PCDH9: variants seen among roughly 807,000 people sequenced by gnomAD.
PCDH9 encodes the protein protocadherin-9.
A neutral mutation model predicts 70.6 loss-of-function variants in PCDH9; 24 were observed. The ratio of observed to expected loss-of-function variants is 0.34; its 90% CI spans 0.25 to 0.48. PCDH9 has a LOEUF of 0.48. PCDH9 is among the 20% of genes least tolerant of loss of function. The pLI, the probability that PCDH9 is intolerant of heterozygous loss-of-function variation, is 0.99. For synonymous variants in PCDH9, 562 were observed against 558.5 expected (o/e 1.01, Z -0.09); for missense variants, 1,281 against 1,503.6 (o/e 0.85, Z 2.45).
chr13:67,201,507 G>T (rs1055742088), intron 2 of PCDH9: 6 of 151,698 alleles, frequency 4.0e-5, no homozygotes, highest in Non-Finnish European at 7.4e-5. Flanking sequence ...TTTATCACAG[G>T]GAGGAAAGAA....
intron 3 of PCDH9, among the ~76,000 whole-genome samples, chr13:66,789,510 T>A (rs2139315456): frequency 1.3e-5 from 2 of 152,252 alleles, no homozygotes; most frequent in East Asian, 3.9e-4. Flanking sequence ...TTATTTTTTT[T>A]TATTTTTTTT....
chr13:66,709,592 AT>A (rs2078764722), intron 3 of PCDH9, among the ~76,000 whole-genome samples: 1 of 152,222 alleles, frequency 6.6e-6, no homozygotes, highest in Non-Finnish European at 1.5e-5. Context: ...TTCCCAACAA[AT>A]AAGCAAACAC....
chr13:66,764,875 G>GA (rs1245407143), intron 3 of PCDH9, among the ~76,000 whole-genome samples: 1 of 151,632 alleles, frequency 6.6e-6, no homozygotes, highest in South Asian at 2.1e-4. Context: ...TACAACAAAA[G>GA]AAAAAATACA....
intron 4 of PCDH9, among the ~76,000 whole-genome samples, chr13:66,488,591 A>G (rs1958984298): frequency 6.7e-6 from 1 of 150,200 alleles, no homozygotes; most frequent in Non-Finnish European, 1.5e-5. Flanking sequence ...ATAATAGAGT[A>G]AAAAAAAATC....
At chr13:67,184,586 C>T (rs561326194) in intron 2 of PCDH9, among the ~76,000 whole-genome samples, 1 of 152,140 alleles carries the variant, frequency 6.6e-6, no homozygotes, top group Admixed American at 6.5e-5. Flanking sequence ...CAAAAATTAG[C>T]GGAGCTTAGA....
intron 3 of PCDH9, among the ~76,000 whole-genome samples, chr13:66,638,512 C>T (rs1218421344): frequency 6.6e-6 from 1 of 152,134 alleles, no homozygotes; most frequent in Non-Finnish European, 1.5e-5. Context: ...TCAAAGACTG[C>T]TAGAGTAATT....
intron 3 of PCDH9, among the ~76,000 whole-genome samples, chr13:66,812,695 T>C (rs778187531): frequency 6.6e-6 from 1 of 152,178 alleles, no homozygotes; most frequent in Non-Finnish European, 1.5e-5. Flanking sequence ...AGCAGTAACA[T>C]ACATAACAAG....
At chr13:66,642,182 T>G (rs1343604222) in intron 3 of PCDH9, among the ~76,000 whole-genome samples, 1 of 152,114 alleles carries the variant, frequency 6.6e-6, no homozygotes, top group Non-Finnish European at 1.5e-5. Flanking sequence ...GGAATTTATA[T>G]TTTTAGACAG....
intron 2 of PCDH9, among the ~76,000 whole-genome samples, chr13:67,018,895 A>T (rs1029920788): frequency 2.0e-5 from 3 of 152,136 alleles, no homozygotes; most frequent in Non-Finnish European, 4.4e-5. Flanking sequence ...AGCTTAACTT[A>T]TTTGACAAAT....
chr13:66,318,767 T>G (rs1955699620), intron 4 of PCDH9, among the ~76,000 whole-genome samples: 1 of 152,318 alleles, frequency 6.6e-6, no homozygotes, highest in East Asian at 1.9e-4. Context: ...TTCTGAAAAG[T>G]TATGGTTAAT....
chr13:66,419,093 A>T (rs898772485), intron 4 of PCDH9, among the ~76,000 whole-genome samples: 3 of 152,186 alleles, frequency 2.0e-5, no homozygotes, highest in Admixed American at 1.3e-4. Context: ...TGAGGCAATT[A>T]TTAATAGCCT....
intron 2 of PCDH9, among the ~76,000 whole-genome samples, chr13:67,103,656 G>A (rs898830298): frequency 6.6e-6 from 1 of 151,860 alleles, no homozygotes; most frequent in African/African-American, 2.4e-5. Flanking sequence ...TACTTTTACA[G>A]TAAGGGAAAT....
chr13:66,447,911 A>T (rs1396312821), intron 4 of PCDH9, among the ~76,000 whole-genome samples: 1 of 152,170 alleles, frequency 6.6e-6, no homozygotes, highest in Non-Finnish European at 1.5e-5. Context: ...TAATGACATT[A>T]TATCTGAGTT....
At position 67,227,737 on chromosome 13, in the gene PCDH9, G is replaced by A. The variant is rs780173733; in HGVS notation, c.704C>T (p.Thr235Met). 7.4e-6 allele frequency: 12 copies of A among 1,613,674 alleles called. No individual in the cohort carries two copies. The highest frequency in any genetic ancestry group is 1.1e-5 in the South Asian group (1 of 91,076). The part of the protein sequence containing the change: ...EDGGTPQKSS[T>M]AILQVTVSDV... ...ACTTACTGTGACCTGCAGTATGGCC[G>A]TACTGGATTTCTGTGGAGTGCCTCC... The change falls in exon 2 of 5, where the codon ACG (threonine) becomes ATG (methionine). Residue 235 changes from threonine (T) to methionine (M), a missense_variant. Thr to Met is a moderately conservative substitution (Grantham distance 81). This residue lies in a region of PCDH9 where 798 missense variants were observed against 1,003.1 expected (regional missense o/e 0.80). Coordinates refer to ENST00000377865, the MANE Select transcript of PCDH9 (RefSeq NM_203487.3). This position sits in a 1 kb window ranked among gnomAD's most constrained non-coding sequence, Gnocchi z 4.6.
intron 4 of PCDH9, among the ~76,000 whole-genome samples, chr13:66,410,132 A>T (rs1010501630): frequency 2.6e-5 from 4 of 152,106 alleles, no homozygotes; most frequent in African/African-American, 9.7e-5. Context: ...GTTTATTTTT[A>T]TCTGTTATTG....
chr13:66,495,827 A>G (rs1959107498), intron 4 of PCDH9, among the ~76,000 whole-genome samples: 1 of 152,164 alleles, frequency 6.6e-6, no homozygotes, highest in South Asian at 2.1e-4. Context: ...GGCCACAGAC[A>G]CTACAATCCC....
chr13:66,415,719 C>T lies in PCDH9; in HGVS notation c.3341-110691G>A, dbSNP rs1331115342. Among the ~76,000 whole-genome samples, 3 of 151,502 alleles carry T rather than the reference C, an allele frequency of 2.0e-5. 1 individual carries two copies. Among genetic ancestry groups the T allele is most frequent in the Non-Finnish European group, 4.4e-5 (3 of 67,800 alleles). On this transcript the variant is annotated intron_variant, in intron 4 of 4. Coordinates refer to ENST00000377865, the MANE Select transcript of PCDH9 (RefSeq NM_203487.3). ...CAGATAGGTAAGAATGTCAAGAAAA[C>T]AAAATAGAGACATGTAAAATAAGAG...
intron 2 of PCDH9, among the ~76,000 whole-genome samples, chr13:67,063,059 T>C (rs1307723826): frequency 2.0e-5 from 3 of 152,160 alleles, no homozygotes; most frequent in East Asian, 1.9e-4. Flanking sequence ...CCCAGATTCT[T>C]AATGGTTTAA....
chr13:66,520,112 C>T (rs868639049), intron 4 of PCDH9, among the ~76,000 whole-genome samples: 9 of 151,914 alleles, frequency 5.9e-5, no homozygotes, highest in Middle Eastern at 3.2e-3. Context: ...CTGCAGGGCT[C>T]TCTGTGGCTT....
Sources: allele counts gnomAD v4.1 joint callset (sites outside exome capture counted in the v4.1 genomes callset), GRCh38; gene constraint gnomAD v4.1.1; regional missense constraint gnomAD v4.1.1; non-coding constraint Gnocchi (gnomAD v3.1); transcripts MANE v1.5; gene names NCBI Gene and HGNC (gene_info 2026-07-23, HGNC 2026-07-21).